Variants in TCERG1L observed in about 807,000 individuals in gnomAD.
The protein encoded by TCERG1L is transcription elongation regulator 1-like protein.
TCERG1L carries 37 observed loss-of-function variants against 56.3 expected under a neutral mutation model. That is an observed-to-expected ratio of 0.66 (90% CI 0.51 to 0.87). TCERG1L has a LOEUF of 0.87. Ranked by LOEUF, TCERG1L falls within the 40% of genes least tolerant of loss-of-function variation. The probability of loss-of-function intolerance (pLI) is 0.00; values close to 1 mark genes in which losing one functional copy is unlikely to be tolerated. For synonymous variants in TCERG1L, 324 were observed against 326.3 expected (o/e 0.99, Z 0.08); for missense variants, 799 against 774.2 (o/e 1.03, Z -0.38).
intron 3 of TCERG1L, among the ~76,000 whole-genome samples, chr10:131,269,621 A>T (rs1017853406): frequency 1.4e-4 from 21 of 152,210 alleles, no homozygotes; most frequent in African/African-American, 4.3e-4. Flanking sequence ...TCCCCATCTT[A>T]TACAGGTGAA....
Position 131,093,101 on chromosome 10 carries a change from A to AC in TCERG1L, c.*60dup. On this transcript the variant is annotated 3_prime_UTR_variant, in exon 12 of 12. Coordinates refer to ENST00000368642, the MANE Select transcript of TCERG1L (RefSeq NM_174937.4). ...CACGCCCGTGTCCGTCTCCACCGTG[A>AC]CCCCCTCGCCCCCGGCACGCCCAGG... 2.5e-6 allele frequency: 4 copies of AC among 1,570,460 alleles called. No homozygotes were observed. Among genetic ancestry groups the AC allele is most frequent in the South Asian group, 1.2e-5 (1 of 85,346 alleles).
At chr10:131,270,107 C>T (rs1387789491) in intron 3 of TCERG1L, among the ~76,000 whole-genome samples, 1 of 152,212 alleles carries the variant, frequency 6.6e-6, no homozygotes, top group African/African-American at 2.4e-5. Context: ...CTTCCTATGT[C>T]CTTCTCTGCA....
intron 4 of TCERG1L, among the ~76,000 whole-genome samples, chr10:131,183,643 T>C (rs1414301711): frequency 6.6e-6 from 1 of 152,124 alleles, no homozygotes; most frequent in African/African-American, 2.4e-5. Context: ...AATACAGTTT[T>C]ATGCACCCGC....
At chr10:131,167,313 C>T (rs137974755) in intron 4 of TCERG1L, among the ~76,000 whole-genome samples, 170 of 152,338 alleles carry the variant, frequency 1.1e-3, no homozygotes, top group African/African-American at 3.9e-3. Context: ...ACAACCCTCA[C>T]ACTCGCAGCC....
intron 7 of TCERG1L, among the ~76,000 whole-genome samples, chr10:131,142,077 A>G (rs2133411060): frequency 6.6e-6 from 1 of 152,356 alleles, no homozygotes; most frequent in South Asian, 2.1e-4. Context: ...GACTAAACAA[A>G]GTGGGCACTA....
intron 4 of TCERG1L, among the ~76,000 whole-genome samples, chr10:131,167,272 A>C (rs1248595691): frequency 6.6e-6 from 1 of 152,216 alleles, no homozygotes; most frequent in Non-Finnish European, 1.5e-5. Context: ...GCTGTTGTCC[A>C]TCTGGTGACA....
chr10:131,133,993 C>A (rs961747596), intron 8 of TCERG1L, among the ~76,000 whole-genome samples: 6 of 152,190 alleles, frequency 3.9e-5, no homozygotes, highest in African/African-American at 1.4e-4. Flanking sequence ...GCAGGCAAGA[C>A]ATAGAGCTGC....
chr10:131,186,876 G>A (rs1201795738), intron 4 of TCERG1L, among the ~76,000 whole-genome samples: 2 of 152,146 alleles, frequency 1.3e-5, no homozygotes, highest in South Asian at 2.1e-4. Context: ...ATAATGTCTC[G>A]ATTTACCCCC....
intron 4 of TCERG1L, among the ~76,000 whole-genome samples, chr10:131,223,641 T>C (rs1845759743): frequency 6.6e-6 from 1 of 151,848 alleles, no homozygotes; most frequent in African/African-American, 2.4e-5. Flanking sequence ...CACACACTCA[T>C]GCTCACACAC....
Position 131,308,281 on chromosome 10 carries a change from CA to C in TCERG1L, c.599del (p.Val200GlyfsTer18). 6.2e-7 allele frequency: 1 copy of C among 1,613,970 alleles called. No individual in the cohort carries two copies. The highest frequency in any genetic ancestry group is 8.5e-7 in the Non-Finnish European group (1 of 1,179,896). On this transcript the variant is annotated frameshift_variant, in exon 3 of 12. Transcript: ENST00000368642. LOFTEE classifies it high-confidence loss of function. ...KPRLLANQVAVSLSRPAPASR... is the reference protein window; with the variant it reads ...KPRLLANQVAXSLSRPAPASR... ...AGGCAGGAGCCGGCCTGGACAGAGA[CA>C]CAGCTACTTGATTTGCCAGCAAACG...
chr10:131,200,439 A>G (rs562873613), intron 4 of TCERG1L, among the ~76,000 whole-genome samples: 129 of 152,302 alleles, frequency 8.5e-4, no homozygotes, highest in African/African-American at 3.0e-3. Context: ...AAACCTCGAG[A>G]TGTAATGCCA....
chr10:131,096,925 C>T (rs1437149277), intron 11 of TCERG1L, among the ~76,000 whole-genome samples: 1 of 150,932 alleles, frequency 6.6e-6, no homozygotes, highest in Non-Finnish European at 1.5e-5. Flanking sequence ...TCTGGCTGGG[C>T]ATGGTGTCTC....
At chr10:131,269,067 G>C (rs886999622) in intron 3 of TCERG1L, among the ~76,000 whole-genome samples, 1 of 152,174 alleles carries the variant, frequency 6.6e-6, no homozygotes, top group Admixed American at 6.5e-5. Context: ...CTTTCAACAC[G>C]CCTTCTTCAC....
chr10:131,194,782 C>T (rs1171470211), intron 4 of TCERG1L, among the ~76,000 whole-genome samples: 1 of 152,196 alleles, frequency 6.6e-6, no homozygotes, highest in African/African-American at 2.4e-5. Context: ...TAATCCATTT[C>T]GCCTGTTGAT....
chr10:131,186,760 C>G (rs528206158), intron 4 of TCERG1L, among the ~76,000 whole-genome samples: 5 of 152,122 alleles, frequency 3.3e-5, no homozygotes, highest in African/African-American at 1.2e-4. Context: ...ACTCGTGCAC[C>G]GGGCACTCCA....
chr10:131,277,783 T>C (rs543100789), intron 3 of TCERG1L, among the ~76,000 whole-genome samples: 1 of 152,232 alleles, frequency 6.6e-6, no homozygotes, highest in East Asian at 1.9e-4. Context: ...TGAGGACATC[T>C]GGTCAAAAGG....
chr10:131,148,751 TAGGCTCCAG>T (rs1191097747), intron 6 of TCERG1L, among the ~76,000 whole-genome samples: 27 of 152,184 alleles, frequency 1.8e-4, no homozygotes, highest in African/African-American at 6.5e-4. Flanking sequence ...GACCTCCCCA[TAGGCTCCAG>T]AAGGATCCAG....
intron 3 of TCERG1L, among the ~76,000 whole-genome samples, chr10:131,296,883 A>AATT (rs1183886645): frequency 7.2e-5 from 11 of 152,306 alleles, no homozygotes; most frequent in African/African-American, 2.2e-4. Context: ...TTTAACTTCC[A>AATT]ATTGTTTATT....
chr10:131,206,191 C>T (rs72841313), intron 4 of TCERG1L, among the ~76,000 whole-genome samples: 16,712 of 152,216 alleles, frequency 0.11, 1,137 homozygotes, highest in East Asian at 0.17. Flanking sequence ...ATCGGGTGTA[C>T]GCCAAGGTCC....
Sources: gnomAD v4.1 joint callset for allele counts (sites outside exome capture counted in the v4.1 genomes callset) on GRCh38, gnomAD v4.1.1 for gene constraint, MANE v1.5 for transcripts, NCBI Gene and HGNC (gene_info 2026-07-23, HGNC 2026-07-21) for gene names.